Variants in ZBTB11 observed in about 807,000 individuals in gnomAD.
The protein encoded by ZBTB11 is zinc finger and BTB domain containing 11, also known as zinc finger and BTB domain-containing protein 11.
Under a neutral mutation model 113.1 loss-of-function variants are expected in ZBTB11, and 68 were observed. The observed-to-expected ratio is 0.60, with a 90% confidence interval of 0.49 to 0.74. The LOEUF is 0.74. Among genes scored for constraint, ZBTB11 ranks in the 30% least tolerant of loss-of-function variants. The pLI is 0.00. For missense variants in ZBTB11, 1,104 were observed against 1,279.4 expected (o/e 0.86, Z 2.09); for synonymous variants, 518 against 452.6 (o/e 1.14, Z -1.83).
Position 101,650,115 on chromosome 3 carries a change from G to A in ZBTB11, c.*1051C>T, listed in dbSNP as rs1274228332. On this transcript the variant is annotated 3_prime_UTR_variant, in exon 11 of 11. Transcript: ENST00000312938. ...GTGGAACTGTAATCAATTTCTTCAA[G>A]TATGATACTATGAGGGCTGCACTGA... is the stretch of plus-strand genomic sequence containing the variant. The A allele has an allele frequency of 6.6e-6, 1 of 152,104 alleles. No individual in the cohort carries two copies. The highest frequency in any genetic ancestry group is 6.5e-5 in the Admixed American group (1 of 15,268). 9.4% of individuals were successfully genotyped at this position (152,104 alleles called of 1,614,324 possible).
In ZBTB11 at chr3:101,672,177, C is replaced by T; in HGVS notation, c.347G>A (p.Cys116Tyr). The change falls in exon 2 of 11, where the codon TGT becomes TAT. Residue 116 changes from cysteine to tyrosine, a missense_variant. Physicochemically the swap from Cys to Tyr is radical, Grantham distance 194 (BLOSUM62 -2). This residue lies in a region of ZBTB11 where 245 missense variants were observed against 272.5 expected (regional missense o/e 0.90). Transcript: ENST00000312938. ...ATCTAGTTTCTCCTGGCATTTGCTA[C>T]ACTGTTTAATGTAATCTTTGACTTG... ...LKQVKDYIKQ[C>Y]SKCQEKLDRS... The T allele has an allele frequency of 6.2e-7, 1 of 1,613,696 alleles. No individual in the cohort carries two copies. The highest frequency in any genetic ancestry group is 8.5e-7 in the Non-Finnish European group (1 of 1,179,830).
chr3:101,661,434 T>G (rs140412596), intron 5 of ZBTB11, among the ~76,000 whole-genome samples: 1 of 152,158 alleles, frequency 6.6e-6, no homozygotes, highest in Admixed American at 6.5e-5. Flanking sequence ...CTGAGAAAAT[T>G]TGGGAAGTAA....
intron 8 of ZBTB11, among the ~76,000 whole-genome samples, chr3:101,653,484 GC>G (rs1345232139): frequency 2.6e-5 from 4 of 152,156 alleles, no homozygotes; most frequent in African/African-American, 9.7e-5. Flanking sequence ...TCCATATGGT[GC>G]CTCAGAGAAA....
chr3:101,651,088 TCA>T lies in ZBTB11; in HGVS notation c.*76_*77del. 1 of 1,459,962 alleles carries T rather than the reference TCA, an allele frequency of 6.8e-7. No individual in the cohort carries two copies. Among genetic ancestry groups the T allele is most frequent in the Non-Finnish European group, 9.1e-7 (1 of 1,097,072 alleles). The allele number at this position is 1,459,962 out of a possible 1,614,324, so 90.4% of individuals were successfully genotyped here. ...TGATATGTAAACTCCAAGCAGACAGTCACACAGAATTGTAAACAAATGTTCTG... is the reference window on the plus strand; with the variant it reads ...TGATATGTAAACTCCAAGCAGACAGTCACAGAATTGTAAACAAATGTTCTG... On this transcript the variant is annotated 3_prime_UTR_variant, in exon 11 of 11. Coordinates refer to ENST00000312938, the MANE Select transcript of ZBTB11 (RefSeq NM_014415.4).
intron 3 of ZBTB11, among the ~76,000 whole-genome samples, chr3:101,667,957 C>CT (rs1248793990): frequency 6.6e-6 from 1 of 152,074 alleles, no homozygotes; most frequent in African/African-American, 2.4e-5. Context: ...TGAAATCAAC[C>CT]TACATGTTCA....
chr3:101,673,923 G>A (rs1238737183), intron 1 of ZBTB11, among the ~76,000 whole-genome samples: 1 of 151,714 alleles, frequency 6.6e-6, no homozygotes, highest in Non-Finnish European at 1.5e-5. Context: ...CATAAATTCA[G>A]AAAAATTTTA....
At chr3:101,658,110 A>T (rs923594029) in intron 6 of ZBTB11, among the ~76,000 whole-genome samples, 2 of 152,242 alleles carry the variant, frequency 1.3e-5, no homozygotes, top group African/African-American at 4.8e-5. Flanking sequence ...ATGAGCAGAT[A>T]AAGAAAATGT....
chr3:101,654,818 T>A lies in ZBTB11; in HGVS notation c.2195A>T (p.Glu732Val). Residue 732 changes from glutamate to valine, a missense_variant, in exon 8 of 11, where the codon GAG becomes GTG. Physicochemically the swap from Glu to Val is moderately radical, Grantham distance 121 (BLOSUM62 -2). Transcript: ENST00000312938. Reference sequence around the variant, plus strand: ...ACAAACTGAGCAAAGGTACTTGGACTCTCCTATTAGAAAAAATTAAAACCC... The same window carrying A: ...ACAAACTGAGCAAAGGTACTTGGACACTCCTATTAGAAAAAATTAAAACCC... ...LQEHMSIHTG[E>V]SKYLCSVCGK... The A allele has an allele frequency of 5.0e-6, 8 of 1,612,524 alleles. No homozygotes were observed. Among genetic ancestry groups the A allele is most frequent in the Non-Finnish European group, 6.8e-6 (8 of 1,179,272 alleles).
intron 3 of ZBTB11, among the ~76,000 whole-genome samples, chr3:101,666,274 A>G (rs1271176192): frequency 6.6e-6 from 1 of 152,256 alleles, no homozygotes; most frequent in Admixed American, 6.5e-5. Flanking sequence ...TCTATGACTA[A>G]AAGTAAAAAA....
chr3:101,655,615 T>C (rs1276182665), intron 7 of ZBTB11, among the ~76,000 whole-genome samples: 3 of 152,124 alleles, frequency 2.0e-5, no homozygotes, highest in African/African-American at 7.2e-5. Context: ...AGGGAAACAA[T>C]GAATATTCCA....
In ZBTB11 at chr3:101,649,901, T is replaced by C. The variant is rs1473757841; in HGVS notation, c.*1265A>G. 3 of 152,626 alleles carry C rather than the reference T, an allele frequency of 2.0e-5. No individual in the cohort carries two copies. The highest frequency in any genetic ancestry group is 7.2e-5 in the African/African-American group (3 of 41,458). The allele number at this position is 152,626 out of a possible 1,614,324, so 9.5% of individuals were successfully genotyped here. On this transcript the variant is annotated 3_prime_UTR_variant, in exon 11 of 11. Coordinates refer to ENST00000312938, the MANE Select transcript of ZBTB11 (RefSeq NM_014415.4). ...ATACTTTATAACAGCTTCTAATACC[T>C]AAAAGCTTAATTTTTAACAATTATT...
rs772816830 is a variant in ZBTB11, at chr3:101,649,801, A to G, written c.*1365T>C. The G allele has an allele frequency of 2.6e-5, 4 of 152,676 alleles. No individual in the cohort carries two copies. Among genetic ancestry groups the G allele is most frequent in the Non-Finnish European group, 4.4e-5 (3 of 68,028 alleles). 9.5% of individuals were successfully genotyped at this position (152,676 alleles called of 1,614,324 possible). On this transcript the variant is annotated 3_prime_UTR_variant, in exon 11 of 11. Coordinates refer to ENST00000312938, the MANE Select transcript of ZBTB11 (RefSeq NM_014415.4). The stretch of plus-strand genomic sequence containing the variant: ...AAACTGGGAGAGGCAACTTAGTAAT[A>G]TATGTACATCAAGGCACATTCTTTT...
chr3:101,660,628 T>C (rs554509289), intron 5 of ZBTB11, among the ~76,000 whole-genome samples: 1 of 152,322 alleles, frequency 6.6e-6, no homozygotes, highest in South Asian at 2.1e-4. Context: ...TGTAACTCTA[T>C]GTAACACACA....
rs1576655437 is a variant in ZBTB11, at chr3:101,676,456, C to G, written c.310+149G>C. 3 of 818,336 alleles carry G rather than the reference C, an allele frequency of 3.7e-6. No individual in the cohort carries two copies. The South Asian group carries it at 8.7e-5, about 24-fold the overall frequency. The allele number at this position is 818,336 out of a possible 1,614,324, so 50.7% of individuals were successfully genotyped here. On this transcript the variant is annotated intron_variant, in intron 1 of 10. Transcript: ENST00000312938. ...TGGGAAGTGCGGCTCCTTTCGCGTC[C>G]CCCACCCTCTCGGCTCCGCCTGGCA...
In ZBTB11 at chr3:101,650,897, A is replaced by C; in HGVS notation, c.*269T>G. The stretch of plus-strand genomic sequence containing the variant: ...TTATAAACATTAATTCATAAAAGGT[A>C]TATCATGATAAACCACTGCCATCAA... On this transcript the variant is annotated 3_prime_UTR_variant, in exon 11 of 11. Transcript: ENST00000312938. 3.8e-6 allele frequency: 1 copy of C among 262,956 alleles called. No individual in the cohort carries two copies. The highest frequency in any genetic ancestry group is 7.2e-6 in the Non-Finnish European group (1 of 139,108). The allele number at this position is 262,956 out of a possible 1,614,324, so 16.3% of individuals were successfully genotyped here. A position where few individuals can be genotyped will look rare whatever the true frequency, so the allele number is the denominator to read the frequency against.
Position 101,664,683 on chromosome 3 carries a change from T to C in ZBTB11, c.1655A>G (p.Lys552Arg), listed in dbSNP as rs1433575130. Reference protein sequence around the residue: ...VAQKLVQRGKKMKQPKRDAKE... With the variant: ...VAQKLVQRGKRMKQPKRDAKE... ...AGCATCTCTTTTTGGCTGTTTCATCTTTTTTCCTCTTTGAACTAACTTCTG... is the reference window on the plus strand; with the variant it reads ...AGCATCTCTTTTTGGCTGTTTCATCCTTTTTCCTCTTTGAACTAACTTCTG... Residue 552 changes from lysine (K) to arginine (R), a missense_variant, in exon 5 of 11, where the codon AAG becomes AGG. By Grantham distance (26) the Lys-to-Arg change is conservative. Around this residue, in one of 5 missense-constraint regions of ZBTB11, gnomAD observed 535 missense variants for 518.6 expected, o/e 1.03. Coordinates refer to ENST00000312938, the MANE Select transcript of ZBTB11 (RefSeq NM_014415.4). 6.2e-7 allele frequency: 1 copy of C among 1,609,314 alleles called. No individual in the cohort carries two copies.
rs1265348049 is a variant in ZBTB11, at chr3:101,650,377, A to G, written c.*789T>C. On this transcript the variant is annotated 3_prime_UTR_variant, in exon 11 of 11. Coordinates refer to ENST00000312938, the MANE Select transcript of ZBTB11 (RefSeq NM_014415.4). ...TAATTGTCCTATGTTATCAAGGAGA[A>G]TTTTCCTGTCAACAGTGTTTAATAA... The G allele has an allele frequency of 6.6e-6, 1 of 152,564 alleles. No homozygotes were observed. The highest frequency in any genetic ancestry group is 1.9e-4 in the East Asian group (1 of 5,198). The allele number at this position is 152,564 out of a possible 1,614,324, so 9.5% of individuals were successfully genotyped here.
rs544795125 is a variant in ZBTB11, at chr3:101,673,437, T to C, written c.311-1224A>G. On this transcript the variant is annotated intron_variant, in intron 1 of 10. Transcript: ENST00000312938. ...CAAATAAGTACAAATGAAAAGGTTATGAGGTAAAATGATAGAGGTATGGTA... is the reference window on the plus strand; with the variant it reads ...CAAATAAGTACAAATGAAAAGGTTACGAGGTAAAATGATAGAGGTATGGTA... 4.6e-5 allele frequency among the ~76,000 whole-genome samples: 7 copies of C among 152,230 alleles called. No homozygotes were observed. In the South Asian group the frequency reaches 1.0e-3, roughly 23 times the overall value.
chr3:101,663,456 C>A (rs779285970), intron 5 of ZBTB11, among the ~76,000 whole-genome samples: 5 of 152,174 alleles, frequency 3.3e-5, no homozygotes, highest in Non-Finnish European at 7.3e-5. Context: ...TTAAAAAATT[C>A]ACTGGAATTT....
Sources: gnomAD v4.1 joint callset for allele counts (sites outside exome capture counted in the v4.1 genomes callset) on GRCh38, gnomAD v4.1.1 for gene constraint, gnomAD v4.1.1 regional missense constraint, MANE v1.5 for transcripts, NCBI Gene and HGNC (gene_info 2026-07-23, HGNC 2026-07-21) for gene names.